The following RAPGEF2 variants were observed in gnomAD, a reference collection of about 807,000 sequenced individuals.
RAPGEF2 encodes Rap guanine nucleotide exchange factor 2.
RAPGEF2 carries 54 observed loss-of-function variants against 186.7 expected under a neutral mutation model. The ratio of observed to expected loss-of-function variants is 0.29; its 90% CI spans 0.23 to 0.36. RAPGEF2 has a LOEUF of 0.36. Ranked by LOEUF, RAPGEF2 falls within the 10% of genes least tolerant of loss-of-function variation. The pLI is 1.00. For synonymous variants in RAPGEF2, 712 were observed against 705.9 expected (o/e 1.01, Z -0.14); for missense variants, 1,532 against 2,045.0 (o/e 0.75, Z 4.84).
At chr4:159,131,157 C>G (rs1741026203) in intron 1 of RAPGEF2, among the ~76,000 whole-genome samples, 1 of 151,984 alleles carries the variant, frequency 6.6e-6, no homozygotes, top group African/African-American at 2.4e-5. Context: ...GTTGCCCAGG[C>G]TGAAGTGCAA....
intron 1 of RAPGEF2, among the ~76,000 whole-genome samples, chr4:159,141,352 A>G (rs1179128946): frequency 6.6e-6 from 1 of 152,144 alleles, no homozygotes; most frequent in Non-Finnish European, 1.5e-5. Flanking sequence ...GAGATGATTC[A>G]AAGGTCAGCC....
At chr4:159,352,973 C>G in intron 27 of RAPGEF2, 63 bp downstream of exon 27, 1 of 1,368,836 alleles carries the variant, frequency 7.3e-7, no homozygotes, top group East Asian at 2.5e-5. Flanking sequence ...AATAATGAGT[C>G]TTTTCTTCCA....
rs556369081 is a variant in RAPGEF2, at chr4:159,117,432, A to G, written c.69+13201A>G. ...ATCGTCATCTGAGACTTAAGTTGGAATGGGTGAGAATTCCTATCTTGATTC... is the reference window on the plus strand; with the variant it reads ...ATCGTCATCTGAGACTTAAGTTGGAGTGGGTGAGAATTCCTATCTTGATTC... On this transcript the variant is annotated intron_variant, in intron 1 of 29. Transcript: ENST00000691494. 9.8e-5 allele frequency among the ~76,000 whole-genome samples: 15 copies of G among 152,310 alleles called. 1 individual carries two copies. The East Asian group carries it at 2.9e-3, about 29-fold the overall frequency.
chr4:159,178,501 G>A (rs551421167), intron 1 of RAPGEF2, among the ~76,000 whole-genome samples: 2 of 150,970 alleles, frequency 1.3e-5, no homozygotes, highest in Non-Finnish European at 2.9e-5. Context: ...AGAGAGCCCA[G>A]GATGTGGGGT....
At chr4:159,149,715 G>C (rs1174071317) in intron 1 of RAPGEF2, among the ~76,000 whole-genome samples, 2 of 152,088 alleles carry the variant, frequency 1.3e-5, no homozygotes, top group Admixed American at 1.3e-4. Flanking sequence ...TGTGTGTATA[G>C]TACTGTGAGT....
Position 159,104,551 on chromosome 4 carries a change from A to AGTGTGT in RAPGEF2, c.69+321_69+322insTGTGTG, listed in dbSNP as rs371444415. On this transcript the variant is annotated intron_variant, in intron 1 of 29. Coordinates refer to ENST00000691494, the MANE Select transcript of RAPGEF2 (RefSeq NM_001394067.2). ...GGGAGAGACAGAGAGAGAGAGAGAG[A>AGTGTGT]GAGTGTGTGTGTGTGTGTGTATGTG... 2.6e-4 allele frequency among the ~76,000 whole-genome samples: 35 copies of AGTGTGT among 134,638 alleles called. 1 individual carries two copies. The highest frequency in any genetic ancestry group is 1.1e-3 in the Admixed American group (16 of 13,950). 88.3% of individuals were successfully genotyped at this position (134,638 alleles called of 152,430 possible).
chr4:159,248,028 C>T (rs1754859836), intron 7 of RAPGEF2, among the ~76,000 whole-genome samples: 1 of 152,080 alleles, frequency 6.6e-6, no homozygotes, highest in Non-Finnish European at 1.5e-5. Flanking sequence ...TCCTAAAGTG[C>T]TGGGATTACA....
At chr4:159,214,087 A>C (rs1750780118) in intron 4 of RAPGEF2, among the ~76,000 whole-genome samples, 1 of 152,174 alleles carries the variant, frequency 6.6e-6, no homozygotes, top group Non-Finnish European at 1.5e-5. Context: ...TCTTTGTATC[A>C]ATGGAAGATT....
At chr4:159,165,751 C>T (rs2111232755) in intron 1 of RAPGEF2, among the ~76,000 whole-genome samples, 1 of 152,036 alleles carries the variant, frequency 6.6e-6, no homozygotes, top group South Asian at 2.1e-4. Context: ...TACCCCAATG[C>T]CCAGCTAATT....
chr4:159,355,431 C>G (rs1020461915), intron 28 of RAPGEF2, among the ~76,000 whole-genome samples: 8 of 152,110 alleles, frequency 5.3e-5, no homozygotes, highest in Admixed American at 4.6e-4. Flanking sequence ...ATCCGGCAGG[C>G]AGAGAGGAAA....
At position 159,353,259 on chromosome 4, in the gene RAPGEF2, T is replaced by C. The variant is rs1032843417; in HGVS notation, c.4092-228T>C. ...TGTCGGGGAATTTTTTTTTTTTTAA[T>C]GGCACGTTGCGTTCTTTTCCCGCAT... On this transcript the variant is annotated intron_variant, in intron 27 of 29. Transcript: ENST00000691494. This position sits in a 1 kb window ranked among gnomAD's most constrained non-coding sequence, Gnocchi z 4.3. Among the ~76,000 whole-genome samples, 8 of 148,730 alleles carry C rather than the reference T, an allele frequency of 5.4e-5. No homozygotes were observed. The highest frequency in any genetic ancestry group is 2.0e-4 in the African/African-American group (8 of 39,920).
intron 1 of RAPGEF2, among the ~76,000 whole-genome samples, chr4:159,164,304 GT>G (rs10717642): frequency 0.61 from 86,566 of 141,878 alleles, 26,405 homozygotes; most frequent in African/African-American, 0.74. Context: ...GCACCCGGCT[GT>G]TTTTTTTTTT....
chr4:159,300,742 T>C (rs1762553621), intron 7 of RAPGEF2, among the ~76,000 whole-genome samples: 1 of 152,174 alleles, frequency 6.6e-6, no homozygotes, highest in East Asian at 1.9e-4. Context: ...TACATAGTAA[T>C]TTAAATTGGG....
intron 1 of RAPGEF2, among the ~76,000 whole-genome samples, chr4:159,178,217 C>A (rs552988521): frequency 6.6e-6 from 1 of 152,084 alleles, no homozygotes. Flanking sequence ...CATAATCCCC[C>A]CACCCCATTA....
chr4:159,204,196 A>G (rs942041723), intron 3 of RAPGEF2, among the ~76,000 whole-genome samples: 1 of 152,280 alleles, frequency 6.6e-6, no homozygotes, highest in African/African-American at 2.4e-5. Flanking sequence ...ATAAGAAATC[A>G]TTACAGAAAA....
rs1580095690 is a variant in RAPGEF2, at chr4:159,359,256, A to G, written c.*1117A>G. On this transcript the variant is annotated 3_prime_UTR_variant, in exon 30 of 30. Coordinates refer to ENST00000691494, the MANE Select transcript of RAPGEF2 (RefSeq NM_001394067.2). ...CAGCTGTTTATACTGCTCTTTCAAG[A>G]CAGCCTCCCTTTATTGAATTGGCAT... is the stretch of plus-strand genomic sequence containing the variant. 1 of 152,134 alleles carries G rather than the reference A, an allele frequency of 6.6e-6. No homozygotes were observed. 9.4% of individuals were successfully genotyped at this position (152,134 alleles called of 1,614,324 possible).
chr4:159,354,092 TTAATG>T (rs1731606509), intron 28 of RAPGEF2, 46 bp downstream of exon 28: 2 of 1,468,556 alleles, frequency 1.4e-6, no homozygotes, highest in South Asian at 1.4e-5. Flanking sequence ...GATCATGTCT[TTAATG>T]TAACTTATTA....
chr4:159,180,734 A>AAAATC (rs1746921707), intron 1 of RAPGEF2, among the ~76,000 whole-genome samples: 2 of 152,300 alleles, frequency 1.3e-5, no homozygotes, highest in South Asian at 4.1e-4. Context: ...GTACCCCCTA[A>AAAATC]AAATCATGAT....
At chr4:159,200,884 A>T (rs1749331155) in intron 3 of RAPGEF2, among the ~76,000 whole-genome samples, 1 of 152,146 alleles carries the variant, frequency 6.6e-6, no homozygotes, top group South Asian at 2.1e-4. Flanking sequence ...TTATTGTGGG[A>T]ATTTATATAT....
Sources: allele counts gnomAD v4.1 joint callset (sites outside exome capture counted in the v4.1 genomes callset), GRCh38; gene constraint gnomAD v4.1.1; non-coding constraint Gnocchi (gnomAD v3.1); transcripts MANE v1.5; gene names NCBI Gene and HGNC (gene_info 2026-07-23, HGNC 2026-07-21).